The following UTRN variants were observed in gnomAD, a reference collection of about 807,000 sequenced individuals.
UTRN encodes the protein utrophin.
UTRN carries 283 observed loss-of-function variants against 463.9 expected under a neutral mutation model. The ratio of observed to expected loss-of-function variants is 0.61; its 90% confidence interval spans 0.55 to 0.67. The LOEUF (loss-of-function observed/expected upper bound fraction) is 0.67, where lower values mean the gene tolerates loss of function less well. UTRN is among the 30% of genes least tolerant of loss of function. The probability of loss-of-function intolerance (pLI) is 0.00; values close to 1 mark genes in which losing one functional copy is unlikely to be tolerated. For synonymous variants in UTRN, 1,442 were observed against 1,431.5 expected (o/e 1.01, Z -0.17); for missense variants, 3,922 against 4,084.3 (o/e 0.96, Z 1.08).
chr6:144,728,119 G>A (rs111393985), intron 53 of UTRN, among the ~76,000 whole-genome samples: 8,006 of 140,982 alleles, frequency 0.057, 318 homozygotes, highest in Non-Finnish European at 0.089. Context: ...AAAAAAAAAA[G>A]GAATGTTTAC....
chr6:144,507,971 A>T (rs1159475412), intron 34 of UTRN, among the ~76,000 whole-genome samples: 1 of 152,162 alleles, frequency 6.6e-6, no homozygotes, highest in Non-Finnish European at 1.5e-5. Context: ...GTCTGGCTAC[A>T]GTTGCTTTTC....
intron 7 of UTRN, 87 bp downstream of exon 7, chr6:144,426,546 C>T (rs1269951336): frequency 1.1e-5 from 15 of 1,345,178 alleles, no homozygotes; most frequent in Non-Finnish European, 1.5e-5. Context: ...CCCTGAAGCC[C>T]CTTCTCCAGT....
At chr6:144,812,887 A>G (rs964014598) in intron 65 of UTRN, among the ~76,000 whole-genome samples, 4 of 152,182 alleles carry the variant, frequency 2.6e-5, no homozygotes, top group Admixed American at 2.0e-4. Context: ...AATTCTTATT[A>G]TACAGGTAAG....
At chr6:144,553,639 G>C (rs998573767) in intron 48 of UTRN, among the ~76,000 whole-genome samples, 1 of 152,118 alleles carries the variant, frequency 6.6e-6, no homozygotes, top group African/African-American at 2.4e-5. Flanking sequence ...GTTTCCAGCC[G>C]GGTGCGTTGG....
At chr6:144,467,431 G>T (rs191559546) in intron 23 of UTRN, among the ~76,000 whole-genome samples, 1 of 152,316 alleles carries the variant, frequency 6.6e-6, no homozygotes, top group East Asian at 1.9e-4. Context: ...TCCCTGTCAG[G>T]CATAGAGCAA....
rs989162648 is a variant in UTRN at position 144,421,485 on chromosome 6, C to T, written c.142-393C>T. Among the ~76,000 whole-genome samples, 9 of 151,688 alleles carry T rather than the reference C, an allele frequency of 5.9e-5. No homozygotes were observed. The East Asian group carries it at 1.4e-3, about 23-fold the overall frequency. ...TGGGCGGATCATGAGGTCAGGAGAT[C>T]GAGACCATCCTGGCTAACATGGTGA... On this transcript the variant is annotated intron_variant, in intron 3 of 74. Transcript: ENST00000367545.
intron 51 of UTRN, among the ~76,000 whole-genome samples, chr6:144,677,636 T>C (rs1196139410): frequency 5.3e-5 from 8 of 152,326 alleles, no homozygotes; most frequent in African/African-American, 1.9e-4. Context: ...TACCCAGTAA[T>C]GGGATTCTGG....
In UTRN at chr6:144,537,641, G is replaced by A; in HGVS notation, c.6293G>A (p.Cys2098Tyr). The A allele has an allele frequency of 1.2e-6, 2 of 1,612,958 alleles. No homozygotes were observed. Among genetic ancestry groups the A allele is most frequent in the Non-Finnish European group, 1.7e-6 (2 of 1,179,550 alleles). The change falls in exon 44 of 75, where the codon TGT (cysteine) becomes TAT (tyrosine). Residue 2098 changes from cysteine (C) to tyrosine (Y), a missense_variant. By Grantham distance (194) the Cys-to-Tyr change is radical. Transcript: ENST00000367545. ...KYRHQLDEIICWLTKAEHAMQ... is the reference protein window; with the variant it reads ...KYRHQLDEIIYWLTKAEHAMQ... ...AGGCATCAGCTAGATGAGATTATCT[G>A]TTGGTTAACAAAGGCTGAGCATGCT...
chr6:144,310,921 G>T (rs567088710), intron 2 of UTRN, among the ~76,000 whole-genome samples: 1 of 152,216 alleles, frequency 6.6e-6, no homozygotes, highest in Non-Finnish European at 1.5e-5. Flanking sequence ...ACGACAGATC[G>T]ATCACTTGAT....
At chr6:144,609,882 G>T (rs369262728) in intron 51 of UTRN, among the ~76,000 whole-genome samples, 1 of 151,922 alleles carries the variant, frequency 6.6e-6, no homozygotes. Context: ...TTCAGACAAA[G>T]AAAAATGGAA....
chr6:144,511,279 T>C (rs1795142393), intron 35 of UTRN, among the ~76,000 whole-genome samples, 156 bp downstream of exon 35: 1 of 152,250 alleles, frequency 6.6e-6, no homozygotes, highest in Non-Finnish European at 1.5e-5. Context: ...GTTTTATTTT[T>C]TCTTTGGAAA....
intron 34 of UTRN, among the ~76,000 whole-genome samples, chr6:144,502,292 G>C (rs897655615): frequency 4.0e-5 from 6 of 151,268 alleles, no homozygotes; most frequent in African/African-American, 1.2e-4. Flanking sequence ...TAAGTTATGG[G>C]ATACATGTGC....
At chr6:144,392,784 C>T (rs962759796) in intron 2 of UTRN, among the ~76,000 whole-genome samples, 3 of 152,206 alleles carry the variant, frequency 2.0e-5, no homozygotes, top group African/African-American at 7.2e-5. Flanking sequence ...AGCATCCTAC[C>T]TGTCTCTTTT....
In UTRN at chr6:144,852,746, G is replaced by A. The variant is rs973297095; in HGVS notation, c.*1749G>A. On this transcript the variant is annotated 3_prime_UTR_variant, in exon 75 of 75. Coordinates refer to ENST00000367545, the MANE Select transcript of UTRN (RefSeq NM_007124.3). ...TTCCCTGAGCTCTCAACTCCAAGTT[G>A]TAGATTTGGTGTCTTCCTTGTTCTT... 6.6e-6 allele frequency: 1 copy of A among 152,540 alleles called. No homozygotes were observed. The highest frequency in any genetic ancestry group is 1.9e-4 in the East Asian group (1 of 5,198). The allele number at this position is 152,540 out of a possible 1,614,324, so 9.4% of individuals were successfully genotyped here.
At position 144,400,018 on chromosome 6, in the gene UTRN, A is replaced by T. The variant is rs75399330; in HGVS notation, c.80-3105A>T. 6.0e-3 allele frequency among the ~76,000 whole-genome samples: 915 copies of T among 152,306 alleles called. 20 individuals are homozygous for T. In the East Asian group the frequency reaches 0.087, roughly 14 times the overall value. The stretch of plus-strand genomic sequence containing the variant: ...TGGGAAAGCAGCCTTAAGGGATTTA[A>T]CACATTTTTCTTCTTCTAATTCAGT... On this transcript the variant is annotated intron_variant, in intron 2 of 74. Transcript: ENST00000367545.
At chr6:144,291,184 C>T (rs889991219) in intron 1 of UTRN, among the ~76,000 whole-genome samples, 3 of 152,188 alleles carry the variant, frequency 2.0e-5, no homozygotes, top group Admixed American at 6.5e-5. Flanking sequence ...GACCTGTTCT[C>T]CATGGTCCTA....
chr6:144,539,162 A>G, intron 44 of UTRN, 132 bp from the exon 45 acceptor site: 1 of 1,050,066 alleles, frequency 9.5e-7, no homozygotes, highest in Non-Finnish European at 1.3e-6. Flanking sequence ...TAAGCTTCTT[A>G]TAAGTTTATT....
chr6:144,387,333 G>A (rs1781505312), intron 2 of UTRN, among the ~76,000 whole-genome samples: 2 of 152,014 alleles, frequency 1.3e-5, no homozygotes, highest in South Asian at 4.2e-4. Context: ...AGTAGAGATG[G>A]TGTTTCACCA....
intron 2 of UTRN, among the ~76,000 whole-genome samples, chr6:144,357,217 T>C (rs932386735): frequency 6.6e-6 from 1 of 152,182 alleles, no homozygotes; most frequent in Non-Finnish European, 1.5e-5. Context: ...TTTTAGTTGA[T>C]AGTGGCTCAG....
Sources: allele counts gnomAD v4.1 joint callset (sites outside exome capture counted in the v4.1 genomes callset), GRCh38; gene constraint gnomAD v4.1.1; transcripts MANE v1.5; gene names NCBI Gene and HGNC (gene_info 2026-07-23, HGNC 2026-07-21).